GRAMD1B: variants seen among roughly 807,000 people sequenced by gnomAD.
The protein encoded by GRAMD1B is protein Aster-B.
GRAMD1B carries 37 observed loss-of-function variants against 99.7 expected under a neutral mutation model. The observed-to-expected ratio is 0.37, with a 90% CI of 0.29 to 0.49. GRAMD1B has a LOEUF of 0.49. Among genes scored for constraint, GRAMD1B ranks in the 20% least tolerant of loss-of-function variants. The pLI, the probability that GRAMD1B is intolerant of heterozygous loss-of-function variation, is 0.98. For missense variants in GRAMD1B, 888 were observed against 1,009.2 expected (o/e 0.88, Z 1.63); for synonymous variants, 427 against 387.6 (o/e 1.10, Z -1.19).
At chr11:123,482,354 C>T (rs1010468438) in intron 2 of GRAMD1B, among the ~76,000 whole-genome samples, 3 of 152,060 alleles carry the variant, frequency 2.0e-5, no homozygotes, top group African/African-American at 7.2e-5. Flanking sequence ...CTGCTTCAGC[C>T]CTCAAAGTGC....
At chr11:123,538,408 A>G (rs1434247829) in intron 2 of GRAMD1B, among the ~76,000 whole-genome samples, 2 of 152,030 alleles carry the variant, frequency 1.3e-5, no homozygotes, top group African/African-American at 4.8e-5. Flanking sequence ...ATTTTGATAT[A>G]ATCATGTACT....
At position 123,430,727 on chromosome 11, in the gene GRAMD1B, C is replaced by T. The variant is rs899695300; in HGVS notation, c.-66C>T. ...CCGCGGGGCCGAGGGTGGGGAACAG[C>T]CAGAGGGAGACGCGAACCAGGCCGC... On this transcript the variant is annotated 5_prime_UTR_variant, in exon 1 of 20. Transcript: ENST00000635736. The T allele has an allele frequency of 3.3e-6, 2 of 609,668 alleles. No individual in the cohort carries two copies. Among genetic ancestry groups the T allele is most frequent in the Non-Finnish European group, 5.8e-6 (2 of 344,378 alleles). The allele number at this position is 609,668 out of a possible 1,614,324, so 37.8% of individuals were successfully genotyped here.
chr11:123,388,240 T>C (rs1947144449), intron 1 of GRAMD1B, among the ~76,000 whole-genome samples: 1 of 152,048 alleles, frequency 6.6e-6, no homozygotes, highest in Non-Finnish European at 1.5e-5. Context: ...GATTTAAATG[T>C]TGGTATCCCC....
intron 1 of GRAMD1B, among the ~76,000 whole-genome samples, chr11:123,387,453 G>A (rs757268622): frequency 6.6e-6 from 1 of 152,090 alleles, no homozygotes; most frequent in African/African-American, 2.4e-5. Flanking sequence ...ACTCCCCAAA[G>A]TCACTGAGGC....
intron 2 of GRAMD1B, among the ~76,000 whole-genome samples, chr11:123,523,452 G>C (rs1320844032): frequency 6.6e-6 from 1 of 152,076 alleles, no homozygotes; most frequent in African/African-American, 2.4e-5. Flanking sequence ...CAGGCAAAAT[G>C]CTTAGCTTGA....
At chr11:123,527,868 C>G (rs1942956685) in intron 2 of GRAMD1B, among the ~76,000 whole-genome samples, 2 of 152,164 alleles carry the variant, frequency 1.3e-5, no homozygotes, top group Non-Finnish European at 2.9e-5. Context: ...CTGGGTTGGT[C>G]CTCAGGGATG....
intron 1 of GRAMD1B, among the ~76,000 whole-genome samples, chr11:123,446,058 C>T (rs147434745): frequency 6.6e-6 from 1 of 152,304 alleles, no homozygotes; most frequent in East Asian, 1.9e-4. Flanking sequence ...TCCCAAGACT[C>T]ACTGTTGCTC....
Position 123,574,650 on chromosome 11 carries a change from C to T in GRAMD1B, c.453-2717C>T, listed in dbSNP as rs139098776. ...GAAACTGCCATTGAGAATGGGCAGT[C>T]GTGGGAGGAGGTCTGGGAGGAAAGA... On this transcript the variant is annotated intron_variant, in intron 2 of 19. Transcript: ENST00000635736. Among the ~76,000 whole-genome samples the T allele has an allele frequency of 3.1e-3, 470 of 152,174 alleles. 1 individual carries two copies. Among genetic ancestry groups the T allele is most frequent in the Non-Finnish European group, 4.8e-3 (324 of 67,994 alleles).
In GRAMD1B at chr11:123,610,319, C is replaced by T. The variant is rs1390495624; in HGVS notation, c.1900C>T (p.Arg634Trp). 4 of 1,613,892 alleles carry T rather than the reference C, an allele frequency of 2.5e-6. No individual in the cohort carries two copies. The highest frequency in any genetic ancestry group is 2.2e-5 in the East Asian group (1 of 44,872). The change falls in exon 14 of 20, where the codon CGG becomes TGG. Residue 634 changes from arginine (R) to tryptophan (W), a missense_variant. Physicochemically the swap from Arg to Trp is moderately radical, Grantham distance 101. This residue lies in a region of GRAMD1B where 92 missense variants were observed against 156.9 expected (regional missense o/e 0.59). Coordinates refer to ENST00000635736, the MANE Select transcript of GRAMD1B (RefSeq NM_001387025.1). This position sits in a 1 kb window ranked among gnomAD's most constrained non-coding sequence, Gnocchi z 4.1. ...TCGCTACACGCTCACCCGTGTGGCT[C>T]GGAACAAGAGCCGACTCAGGTGTGG... Reference protein sequence around the residue: ...INRYTLTRVARNKSRLRVSTE... With the variant: ...INRYTLTRVAWNKSRLRVSTE...
intron 2 of GRAMD1B, among the ~76,000 whole-genome samples, chr11:123,533,287 G>A (rs1824318203): frequency 6.6e-6 from 1 of 151,684 alleles, no homozygotes. Context: ...TTAATTCTTA[G>A]TGCTATTCTT....
At position 123,612,791 on chromosome 11, in the gene GRAMD1B, G is replaced by A. The variant is rs746284425; in HGVS notation, c.1950G>A (p.Gln650=). 2.2e-5 allele frequency: 35 copies of A among 1,611,236 alleles called. No individual in the cohort carries two copies. Among genetic ancestry groups the A allele is most frequent in the Middle Eastern group, 3.3e-4 (2 of 6,074 alleles). Residue 650 remains glutamine (Q), a synonymous_variant, in exon 15 of 20, where the codon CAG becomes CAA. Transcript: ENST00000635736. ...CCACAGAGCTGCGCTATCGAAAACA[G>A]CCCTGGGGGTTAGTGAAAACGTTCA... ...RVSTELRYRK[Q]PWGLVKTFIE...
intron 19 of GRAMD1B, among the ~76,000 whole-genome samples, chr11:123,621,914 TTTC>T (rs1955177435): frequency 2.5e-5 from 1 of 39,670 alleles, no homozygotes; most frequent in Non-Finnish European, 5.6e-5. Flanking sequence ...CTTTCTTTCT[TTTC>T]TTCTTCCTTC....
chr11:123,619,529 C>A, intron 19 of GRAMD1B: 2 of 1,200,566 alleles, frequency 1.7e-6, no homozygotes, highest in Non-Finnish European at 2.1e-6. Context: ...AACCATCTGA[C>A]AGGCATTTAA....
At chr11:123,446,429 C>T (rs555661512) in intron 1 of GRAMD1B, among the ~76,000 whole-genome samples, 1 of 152,154 alleles carries the variant, frequency 6.6e-6, no homozygotes, top group South Asian at 2.1e-4. Context: ...CCCTCCCAAA[C>T]TGCTGGGATT....
chr11:123,610,819 C>A lies in GRAMD1B; in HGVS notation c.1919+481C>A, dbSNP rs538904724. Among the ~76,000 whole-genome samples the A allele has an allele frequency of 6.6e-6, 1 of 152,192 alleles. No homozygotes were observed. The highest frequency in any genetic ancestry group is 1.5e-5 in the Non-Finnish European group (1 of 68,048). ...TGTTAGACAGTGAGCTCCACGAGGA[C>A]AGGAATTCCATTCCACTTACACTTT... On this transcript the variant is annotated intron_variant, in intron 14 of 19. Transcript: ENST00000635736. The surrounding 1 kb of genome is among the most constrained non-coding windows in gnomAD (Gnocchi z 4.1).
At chr11:123,572,605 G>A (rs1348948499) in intron 2 of GRAMD1B, among the ~76,000 whole-genome samples, 6 of 152,186 alleles carry the variant, frequency 3.9e-5, no homozygotes, top group East Asian at 1.9e-4. Context: ...GTAGAGCACC[G>A]GGTGGGGACA....
chr11:123,619,622 C>G lies in GRAMD1B; in HGVS notation c.2544+398C>G. Reference sequence around the variant, plus strand: ...GAGTTTTTTCAAATGTTTACCGCCCCCTCCTCTGACAGTCAGTGGCACTGC... The same window carrying G: ...GAGTTTTTTCAAATGTTTACCGCCCGCTCCTCTGACAGTCAGTGGCACTGC... On this transcript the variant is annotated intron_variant, in intron 19 of 19. Coordinates refer to ENST00000635736, the MANE Select transcript of GRAMD1B (RefSeq NM_001387025.1). 3 of 713,362 alleles carry G rather than the reference C, an allele frequency of 4.2e-6. No individual in the cohort carries two copies. The South Asian group carries it at 6.6e-5, about 16-fold the overall frequency. 44.2% of individuals were successfully genotyped at this position (713,362 alleles called of 1,614,324 possible).
At chr11:123,419,143 G>A (rs2156443) in intron 1 of GRAMD1B, among the ~76,000 whole-genome samples, 18,575 of 152,176 alleles carry the variant, frequency 0.12, 1,480 homozygotes, top group African/African-American at 0.23. Flanking sequence ...ATCATAAAAG[G>A]TCAACTTGAA....
chr11:123,402,144 T>C (rs1165287453), intron 1 of GRAMD1B, among the ~76,000 whole-genome samples: 1 of 152,212 alleles, frequency 6.6e-6, no homozygotes, highest in Non-Finnish European at 1.5e-5. Flanking sequence ...GCCTCCCAAG[T>C]AGCTGGGCTT....
Sources: allele counts gnomAD v4.1 joint callset (sites outside exome capture counted in the v4.1 genomes callset), GRCh38; gene constraint gnomAD v4.1.1; regional missense constraint gnomAD v4.1.1; non-coding constraint Gnocchi (gnomAD v3.1); transcripts MANE v1.5; gene names NCBI Gene and HGNC (gene_info 2026-07-23, HGNC 2026-07-21).